The following CDH2 variants were observed in gnomAD, a reference collection of about 807,000 sequenced individuals.
The protein encoded by CDH2 is cadherin 2.
In CDH2, 17 loss-of-function variants were observed where a neutral mutation model predicts 92.0. The ratio of observed to expected loss-of-function variants is 0.18; its 90% confidence interval spans 0.13 to 0.28. The LOEUF is 0.28. CDH2 is among the 10% of genes least tolerant of loss of function. The pLI is 1.00. For synonymous variants in CDH2, 419 were observed against 415.9 expected (o/e 1.01, Z -0.09); for missense variants, 862 against 1,133.1 (o/e 0.76, Z 3.44).
intron 6 of CDH2, among the ~76,000 whole-genome samples, chr18:27,943,486 C>T (rs28365264): frequency 5.3e-5 from 8 of 152,328 alleles, no homozygotes; most frequent in East Asian, 1.9e-4. Context: ...AAAGCATCAA[C>T]GTAAAGTTTT....
chr18:28,043,495 A>ATATATATAAAT (rs1567976503), intron 2 of CDH2, among the ~76,000 whole-genome samples: 1 of 87,404 alleles, frequency 1.1e-5, no homozygotes, highest in African/African-American at 4.8e-5. Flanking sequence ...TATATATATA[A>ATATATATAAAT]ATATATATAT....
intron 11 of CDH2, among the ~76,000 whole-genome samples, chr18:27,987,443 T>C (rs1334182698): frequency 6.6e-6 from 1 of 152,240 alleles, no homozygotes; most frequent in Non-Finnish European, 1.5e-5. Flanking sequence ...TATACAGATT[T>C]AGAAAGGTTC....
At chr18:28,058,454 C>G (rs895405251) in intron 2 of CDH2, among the ~76,000 whole-genome samples, 2 of 152,172 alleles carry the variant, frequency 1.3e-5, no homozygotes, top group African/African-American at 4.8e-5. Flanking sequence ...CCTCCAGGCT[C>G]ACGCAACTGT....
Position 28,176,964 on chromosome 18 carries a change from T to TGAAGCAGGGCCGCCAGCAGCG in CDH2, c.38_58dup (p.Pro13_Leu19dup), listed in dbSNP as rs1347530447. ...CGGCCCGCGGGGACCGCCGCGTACCTGAAGCAGGGCCGCCAGCAGCGGCAG... is the reference window on the plus strand; with the variant it reads ...CGGCCCGCGGGGACCGCCGCGTACCTGAAGCAGGGCCGCCAGCAGCGGAAGCAGGGCCGCCAGCAGCGGCAG... On this transcript the variant is annotated inframe_insertion and splice_region_variant, in exon 1 of 16. Transcript: ENST00000269141. 2.1e-6 allele frequency: 3 copies of TGAAGCAGGGCCGCCAGCAGCG among 1,399,604 alleles called. No homozygotes were observed. Among genetic ancestry groups the TGAAGCAGGGCCGCCAGCAGCG allele is most frequent in the Non-Finnish European group, 2.8e-6 (3 of 1,073,622 alleles). The allele number at this position is 1,399,604 out of a possible 1,614,324, so 86.7% of individuals were successfully genotyped here. A position where few individuals can be genotyped will look rare whatever the true frequency, so the allele number is the denominator to read the frequency against.
intron 2 of CDH2, among the ~76,000 whole-genome samples, chr18:28,044,729 T>C (rs1007507904): frequency 6.6e-4 from 101 of 152,082 alleles, no homozygotes; most frequent in African/African-American, 2.4e-3. Flanking sequence ...AATTATTAGA[T>C]GTGGAAGCTT....
intron 2 of CDH2, among the ~76,000 whole-genome samples, chr18:28,114,386 C>T (rs1212755415): frequency 6.6e-6 from 1 of 152,006 alleles, no homozygotes; most frequent in Non-Finnish European, 1.5e-5. Flanking sequence ...TAGAGTACTT[C>T]CAATTGATTC....
intron 1 of CDH2, chr18:28,168,577 TA>T (rs879777011): frequency 1.8e-4 from 68 of 386,810 alleles, no homozygotes; most frequent in Non-Finnish European, 2.0e-4. Flanking sequence ...CAAGATTCAT[TA>T]AAAAAAATTA....
At chr18:27,950,619 G>A (rs1365879743), downstream of CDH2, among the ~76,000 whole-genome samples, 2 of 152,106 alleles carry the variant, frequency 1.3e-5, no homozygotes, top group Non-Finnish European at 2.9e-5. Context: ...TGGCTCTAAT[G>A]GGAAAGGCCT....
chr18:28,000,187 T>C (rs541134715), intron 7 of CDH2, among the ~76,000 whole-genome samples: 14 of 152,318 alleles, frequency 9.2e-5, no homozygotes, highest in Admixed American at 2.0e-4. Flanking sequence ...CACTGCAGCC[T>C]TGACCTCCCA....
chr18:28,000,058 C>T (rs1025251093), intron 7 of CDH2, among the ~76,000 whole-genome samples: 1 of 152,104 alleles, frequency 6.6e-6, no homozygotes, highest in African/African-American at 2.4e-5. Flanking sequence ...GCCAATTAAA[C>T]CTCTTTTCTT....
At chr18:28,072,621 C>T (rs1426073328) in intron 2 of CDH2, among the ~76,000 whole-genome samples, 1 of 152,174 alleles carries the variant, frequency 6.6e-6, no homozygotes, top group Non-Finnish European at 1.5e-5. Flanking sequence ...ACATCATGTC[C>T]AAATAATAGA....
intron 2 of CDH2, among the ~76,000 whole-genome samples, chr18:28,100,627 T>C (rs2015211936): frequency 6.6e-6 from 1 of 151,732 alleles, no homozygotes; most frequent in African/African-American, 2.4e-5. Context: ...GAGTCCTGAG[T>C]TTCTCCAAAC....
chr18:28,038,448 TGTGTGTG>T (rs1168011308), intron 2 of CDH2, among the ~76,000 whole-genome samples: 1 of 151,456 alleles, frequency 6.6e-6, no homozygotes, highest in Non-Finnish European at 1.5e-5. Flanking sequence ...TGTGTGTGTG[TGTGTGTG>T]TGTGTGTCTA....
chr18:28,040,657 T>G (rs900800560), intron 2 of CDH2, among the ~76,000 whole-genome samples: 5 of 152,154 alleles, frequency 3.3e-5, no homozygotes, highest in Non-Finnish European at 5.9e-5. Context: ...AAAAAACACA[T>G]TCCAGCCAAG....
chr18:27,976,518 A>G (rs1384711709), intron 14 of CDH2, among the ~76,000 whole-genome samples: 1 of 152,162 alleles, frequency 6.6e-6, no homozygotes, highest in African/African-American at 2.4e-5. Context: ...GTTGAACATG[A>G]GCTTTGTAAA....
At chr18:28,166,165 T>TATATATATATATATATATATATATATATA (rs1287861366) in intron 1 of CDH2, among the ~76,000 whole-genome samples, 2 of 138,094 alleles carry the variant, frequency 1.4e-5, no homozygotes, top group African/African-American at 5.3e-5. Flanking sequence ...TATATATATA[T>TATATATATATATATATATATATATATATA]ATATATATGT....
chr18:28,004,794 T>C (rs893591691), intron 6 of CDH2, among the ~76,000 whole-genome samples: 1 of 152,176 alleles, frequency 6.6e-6, no homozygotes, highest in Non-Finnish European at 1.5e-5. Flanking sequence ...GAGTCACAGA[T>C]GGCTGAACTT....
intron 2 of CDH2, among the ~76,000 whole-genome samples, chr18:28,126,916 C>T (rs1022296951): frequency 1.3e-5 from 2 of 152,048 alleles, no homozygotes; most frequent in African/African-American, 2.4e-5. Context: ...GCAGCCGGGA[C>T]GCATCAATAA....
At chr18:28,126,455 T>C (rs2015679152) in intron 2 of CDH2, among the ~76,000 whole-genome samples, 1 of 152,222 alleles carries the variant, frequency 6.6e-6, no homozygotes, top group Non-Finnish European at 1.5e-5. Context: ...ATCTGTTTAC[T>C]GAATCCCTTT....
Sources: gnomAD v4.1 joint callset for allele counts (sites outside exome capture counted in the v4.1 genomes callset) on GRCh38, gnomAD v4.1.1 for gene constraint, MANE v1.5 for transcripts, NCBI Gene and HGNC (gene_info 2026-07-23, HGNC 2026-07-21) for gene names.